Variants in FLVCR2 observed in about 807,000 individuals in gnomAD.
The protein encoded by FLVCR2 is FLVCR choline and putative heme transporter 2, also known as choline/ethanolamine transporter FLVCR2.
A neutral mutation model predicts 48.9 loss-of-function variants in FLVCR2; 38 were observed. That is an observed-to-expected ratio of 0.78 (90% CI 0.60 to 1.02). FLVCR2 has a LOEUF of 1.02. Among genes scored for constraint, FLVCR2 ranks in the 50% least tolerant of loss-of-function variants. FLVCR2 has a pLI of 0.00. For missense variants in FLVCR2, 664 were observed against 663.3 expected (o/e 1.00, Z -0.01); for synonymous variants, 255 against 257.0 (o/e 0.99, Z 0.07).
chr14:75,579,038 A>G lies in FLVCR2; in HGVS notation c.66A>G (p.Gln22=), dbSNP rs780104839. 6.2e-7 allele frequency: 1 copy of G among 1,614,028 alleles called. No homozygotes were observed. The highest frequency in any genetic ancestry group is 1.1e-5 in the South Asian group (1 of 91,054). ...CCCCTGTGCCGGAGTCCGCACTCCA[A>G]GCGGACCCCAGCGTCTCGGTCCATC... ...DDTPVPESAL[Q]ADPSVSVHPS... is the part of the protein sequence containing the mutation. The change falls in exon 1 of 10, where the codon CAA becomes CAG. Residue 22 remains glutamine, a synonymous_variant. Coordinates refer to ENST00000238667, the MANE Select transcript of FLVCR2 (RefSeq NM_017791.3).
rs544484222 is a variant in FLVCR2 at position 75,623,306 on chromosome 14, T to A, written c.811+1086T>A. Among the ~76,000 whole-genome samples, 5 of 152,290 alleles carry A rather than the reference T, an allele frequency of 3.3e-5. No individual in the cohort carries two copies. In the South Asian group the frequency reaches 1.0e-3, roughly 32 times the overall value. ...CGGCCACTACTGTTAATATTTTATA[T>A]CCATGTACATTTAATGATTGAGGTA... On this transcript the variant is annotated intron_variant, in intron 2 of 9. Transcript: ENST00000238667.
intron 9 of FLVCR2, among the ~76,000 whole-genome samples, chr14:75,643,365 C>T (rs1890347723): frequency 6.6e-6 from 1 of 152,220 alleles, no homozygotes; most frequent in Admixed American, 6.5e-5. Context: ...ATGCCCATTT[C>T]AAAGACTTTG....
At chr14:75,581,944 G>A (rs893091981) in intron 1 of FLVCR2, among the ~76,000 whole-genome samples, 1 of 152,206 alleles carries the variant, frequency 6.6e-6, no homozygotes, top group Non-Finnish European at 1.5e-5. Context: ...GGCCTGTGAG[G>A]CTGAAAGGAG....
rs76590551 is a variant in FLVCR2, at chr14:75,610,230, T to A, written c.670-11849T>A. On this transcript the variant is annotated intron_variant, in intron 1 of 9. Transcript: ENST00000238667. ...AATGTATTGAGGTGACAGTGATTTG[T>A]TCTCTCACTGAAAGAAAAGGCAGTG... Among the ~76,000 whole-genome samples, 1,490 of 152,238 alleles carry A rather than the reference T, an allele frequency of 9.8e-3. 9 individuals carry two copies. Among genetic ancestry groups the A allele is most frequent in the Admixed American group, 0.027 (410 of 15,300 alleles).
rs575486820 is a variant in FLVCR2 at position 75,611,735 on chromosome 14, C to CACAA, written c.670-10322_670-10319dup. On this transcript the variant is annotated intron_variant, in intron 1 of 9. Transcript: ENST00000238667. The stretch of plus-strand genomic sequence containing the variant: ...TGGGCAACAGAGTGAGACCCTGTCT[C>CACAA]ACAAACAAACAAACAAACAAACAAA... 2.2e-3 allele frequency among the ~76,000 whole-genome samples: 341 copies of CACAA among 152,094 alleles called. 1 individual carries two copies. The highest frequency in any genetic ancestry group is 7.5e-3 in the African/African-American group (310 of 41,484).
chr14:75,584,968 GGCTAGTC>G (rs1888707359), intron 1 of FLVCR2, among the ~76,000 whole-genome samples: 1 of 152,108 alleles, frequency 6.6e-6, no homozygotes, highest in South Asian at 2.1e-4. Context: ...GGTGGGGGAG[GGCTAGTC>G]GCTGAACGAA....
chr14:75,602,804 G>T (rs1050784430), intron 1 of FLVCR2, among the ~76,000 whole-genome samples: 8 of 152,154 alleles, frequency 5.3e-5, no homozygotes, highest in African/African-American at 7.2e-5. Context: ...GAACTATACA[G>T]TTAAAAATTG....
intron 9 of FLVCR2, among the ~76,000 whole-genome samples, chr14:75,646,108 C>A (rs2140058668): frequency 6.6e-6 from 1 of 152,088 alleles, no homozygotes; most frequent in Admixed American, 6.5e-5. Context: ...CGAGAGTGAG[C>A]CTGAAAGAGT....
intron 1 of FLVCR2, among the ~76,000 whole-genome samples, chr14:75,620,362 C>G (rs2140036029): frequency 6.6e-6 from 1 of 152,278 alleles, no homozygotes; most frequent in South Asian, 2.1e-4. Flanking sequence ...GCCAGAGAAG[C>G]CAGGAGATCT....
At chr14:75,641,475 C>T (rs1273622902) in intron 8 of FLVCR2, among the ~76,000 whole-genome samples, 182 bp downstream of exon 8, 1 of 152,204 alleles carries the variant, frequency 6.6e-6, no homozygotes, top group African/African-American at 2.4e-5. Context: ...AGCCAGAAGA[C>T]TCATGTTGGA....
At chr14:75,585,274 C>T (rs1349120780) in intron 1 of FLVCR2, among the ~76,000 whole-genome samples, 1 of 152,158 alleles carries the variant, frequency 6.6e-6, no homozygotes, top group Non-Finnish European at 1.5e-5. Flanking sequence ...ATGTCAGGCA[C>T]CTCAGACCAT....
chr14:75,596,028 A>C, intron 1 of FLVCR2: 1 of 1,373,830 alleles, frequency 7.3e-7, no homozygotes, highest in Non-Finnish European at 1.0e-6. Context: ...ATGAGTTTTG[A>C]ATGCAAATAC....
chr14:75,614,168 A>G (rs1377258368), intron 1 of FLVCR2, among the ~76,000 whole-genome samples: 2 of 152,182 alleles, frequency 1.3e-5, no homozygotes, highest in East Asian at 1.9e-4. Context: ...TTGAACCTCA[A>G]TGTATCTTTT....
At chr14:75,634,452 A>T (rs1328849796) in intron 4 of FLVCR2, among the ~76,000 whole-genome samples, 2 of 152,222 alleles carry the variant, frequency 1.3e-5, no homozygotes, top group Non-Finnish European at 2.9e-5. Context: ...AACCTTAGGC[A>T]TGGTGCCTGG....
At chr14:75,631,496 C>G (rs540571072) in intron 3 of FLVCR2, among the ~76,000 whole-genome samples, 20 of 152,340 alleles carry the variant, frequency 1.3e-4, no homozygotes, top group Middle Eastern at 3.4e-3. Context: ...AGGTCTTTAT[C>G]AGGACCAGTG....
chr14:75,640,742 C>T (rs1002981296), intron 6 of FLVCR2: 1 of 602,190 alleles, frequency 1.7e-6, no homozygotes, highest in African/African-American at 1.9e-5. Context: ...GCCTGCTGAG[C>T]ACAAGGTCTC....
rs771092451 is a variant in FLVCR2, at chr14:75,639,438, T to C, written c.1211T>C (p.Val404Ala). The C allele has an allele frequency of 4.6e-5, 74 of 1,612,376 alleles. No homozygotes were observed. Among genetic ancestry groups the C allele is most frequent in the Non-Finnish European group, 3.1e-5 (37 of 1,178,498 alleles). Residue 404 changes from valine to alanine, a missense_variant, in exon 6 of 10, where the codon GTG becomes GCG. Transcript: ENST00000238667. ...TTGAACCTGGGACACCTGTGGGTAGTGTTCATCACTGCTGGCACAATGGGG... is the reference window on the plus strand; with the variant it reads ...TTGAACCTGGGACACCTGTGGGTAGCGTTCATCACTGCTGGCACAATGGGG... ...FTLNLGHLWV[V>A]FITAGTMGFF...
rs76997170 is a variant in FLVCR2, at chr14:75,636,322, G to A, written c.1124+1309G>A. 6.2e-3 allele frequency among the ~76,000 whole-genome samples: 945 copies of A among 152,280 alleles called. 5 individuals are homozygous for A. Among genetic ancestry groups the A allele is most frequent in the Non-Finnish European group, 0.01 (695 of 68,016 alleles). On this transcript the variant is annotated intron_variant, in intron 5 of 9. Transcript: ENST00000238667. ...AGACCATCCCTAGGGAGGTGGCGAC[G>A]AGGAGCCTGGCTCGGCTTAATTACT... is the stretch of plus-strand genomic sequence containing the variant.
At chr14:75,637,498 G>A (rs577301184) in intron 5 of FLVCR2, among the ~76,000 whole-genome samples, 19 of 152,100 alleles carry the variant, frequency 1.2e-4, no homozygotes, top group East Asian at 3.9e-4. Context: ...AGGCGGAGGC[G>A]GGCAGATCAT....
Sources: gnomAD v4.1 joint callset for allele counts (sites outside exome capture counted in the v4.1 genomes callset) on GRCh38, gnomAD v4.1.1 for gene constraint, MANE v1.5 for transcripts, NCBI Gene and HGNC (gene_info 2026-07-23, HGNC 2026-07-21) for gene names.